ADGRL2: variants seen among roughly 807,000 people sequenced by gnomAD.
ADGRL2 encodes the protein calcium-independent alpha-latrotoxin receptor 2.
Under a neutral mutation model 157.4 loss-of-function variants are expected in ADGRL2, and 44 were observed. That is an observed-to-expected ratio of 0.28 (90% confidence interval 0.22 to 0.36). The LOEUF is 0.36. ADGRL2 is among the 10% of genes least tolerant of loss of function. The probability of loss-of-function intolerance (pLI) is 1.00; values close to 1 mark genes in which losing one functional copy is unlikely to be tolerated. For missense variants in ADGRL2, 1,510 were observed against 1,768.9 expected (o/e 0.85, Z 2.63); for synonymous variants, 585 against 624.7 (o/e 0.94, Z 0.95).
chr1:81,544,589 T>G (rs1440886428), intron 2 of ADGRL2, among the ~76,000 whole-genome samples: 1 of 152,156 alleles, frequency 6.6e-6, no homozygotes, highest in Non-Finnish European at 1.5e-5. Flanking sequence ...TGAAATTAAT[T>G]TTTTGCCAAG....
intron 2 of ADGRL2, among the ~76,000 whole-genome samples, chr1:81,557,994 C>T (rs2080353055): frequency 6.6e-6 from 1 of 152,194 alleles, no homozygotes; most frequent in South Asian, 2.1e-4. Context: ...AATATTTATA[C>T]GGTAATGAAA....
intron 3 of ADGRL2, among the ~76,000 whole-genome samples, chr1:81,930,557 G>A (rs994369882): frequency 9.2e-5 from 14 of 152,208 alleles, no homozygotes; most frequent in Admixed American, 5.9e-4. Context: ...GGATGGTTAA[G>A]TGATGCATTA....
chr1:81,367,736 G>C (rs1489853686), intron 1 of ADGRL2, among the ~76,000 whole-genome samples: 1 of 152,074 alleles, frequency 6.6e-6, no homozygotes, highest in East Asian at 1.9e-4. Context: ...ATTTTTAGTA[G>C]AGATGGAGTT....
chr1:81,705,172 C>T (rs1377615130), intron 1 of ADGRL2, among the ~76,000 whole-genome samples: 1 of 152,172 alleles, frequency 6.6e-6, no homozygotes, highest in Admixed American at 6.5e-5. Context: ...CTGCCTCATC[C>T]TCCCAAGTAG....
chr1:81,562,167 T>A (rs774231936), intron 2 of ADGRL2, among the ~76,000 whole-genome samples: 4 of 152,106 alleles, frequency 2.6e-5, no homozygotes, highest in Non-Finnish European at 4.4e-5. Flanking sequence ...AAGATAGGGA[T>A]TATATGAGTA....
upstream of ADGRL2, among the ~76,000 whole-genome samples, chr1:81,796,404 C>A (rs2087588940): frequency 6.6e-6 from 1 of 152,120 alleles, no homozygotes; most frequent in African/African-American, 2.4e-5. Context: ...TGTTCTTTTG[C>A]TTACACTTTG....
chr1:81,722,742 A>C (rs2084375917), intron 1 of ADGRL2: 2 of 880,682 alleles, frequency 2.3e-6, no homozygotes, highest in African/African-American at 3.3e-5. Context: ...GAATAGAAAG[A>C]GTTAAGAAGG....
chr1:81,481,144 C>T (rs555538486), intron 2 of ADGRL2, among the ~76,000 whole-genome samples: 1 of 152,180 alleles, frequency 6.6e-6, no homozygotes, highest in Admixed American at 6.5e-5. Context: ...TCCTTTTAAA[C>T]ATAATAAAAA....
chr1:81,413,231 A>G (rs553349332), intron 1 of ADGRL2, among the ~76,000 whole-genome samples: 2 of 152,302 alleles, frequency 1.3e-5, no homozygotes, highest in Admixed American at 6.5e-5. Context: ...CAATGAAAGC[A>G]GCATAAATTC....
intron 3 of ADGRL2, among the ~76,000 whole-genome samples, chr1:81,676,277 G>A (rs1165712211): frequency 6.6e-6 from 1 of 152,044 alleles, no homozygotes; most frequent in African/African-American, 2.4e-5. Context: ...CCAAAGTGCT[G>A]GGCTTACAGG....
chr1:81,564,921 A>G (rs2080525539), intron 2 of ADGRL2, among the ~76,000 whole-genome samples: 1 of 152,244 alleles, frequency 6.6e-6, no homozygotes, highest in Non-Finnish European at 1.5e-5. Context: ...AACATTAGCC[A>G]GAATGAACAT....
intron 1 of ADGRL2, among the ~76,000 whole-genome samples, chr1:81,368,559 G>A (rs1280479501): frequency 6.6e-6 from 1 of 152,132 alleles, no homozygotes; most frequent in Non-Finnish European, 1.5e-5. Flanking sequence ...ATATGGACTT[G>A]TCAATCTATT....
intron 1 of ADGRL2, among the ~76,000 whole-genome samples, chr1:81,829,925 T>C (rs2091817485): frequency 6.6e-6 from 1 of 152,216 alleles, no homozygotes; most frequent in South Asian, 2.1e-4. Context: ...TAGTGTGCAC[T>C]TGATCTGGAT....
At chr1:81,546,610 A>G (rs971903353) in intron 2 of ADGRL2, among the ~76,000 whole-genome samples, 2 of 152,230 alleles carry the variant, frequency 1.3e-5, no homozygotes, top group Admixed American at 1.3e-4. Context: ...TTCCACATCC[A>G]CTGGGCAGTC....
At chr1:81,579,441 A>G (rs756083574) in intron 2 of ADGRL2, 1 of 152,162 alleles carries the variant, frequency 6.6e-6, no homozygotes. Context: ...ACTGGCAATC[A>G]GACCTTGAAA....
intron 1 of ADGRL2, among the ~76,000 whole-genome samples, chr1:81,737,949 C>G (rs1332527313): frequency 6.6e-6 from 1 of 152,198 alleles, no homozygotes; most frequent in South Asian, 2.1e-4. Context: ...TCCAACTATC[C>G]TTTGATTCTC....
At chr1:81,942,072 G>C (rs758777162) in intron 5 of ADGRL2, 27 bp downstream of exon 5, 20 of 763,680 alleles carry the variant, frequency 2.6e-5, no homozygotes, top group Non-Finnish European at 4.2e-5. Context: ...CTGAACCCCA[G>C]CTCCCTGTTA....
At chr1:81,747,265 A>ATATACATATATATGTATATG (rs1316441286) in intron 1 of ADGRL2, among the ~76,000 whole-genome samples, 2 of 148,496 alleles carry the variant, frequency 1.3e-5, no homozygotes, top group East Asian at 4.0e-4. Flanking sequence ...ATATATGTAT[A>ATATACATATATATGTATATG]TGTGTATATA....
intron 1 of ADGRL2, among the ~76,000 whole-genome samples, chr1:81,804,629 C>G (rs1389354276): frequency 6.6e-6 from 1 of 152,150 alleles, no homozygotes; most frequent in Non-Finnish European, 1.5e-5. Context: ...TTGCAAATGG[C>G]AAGACAATTA....
Sources: gnomAD v4.1 joint callset for allele counts (sites outside exome capture counted in the v4.1 genomes callset) on GRCh38, gnomAD v4.1.1 for gene constraint, MANE v1.5 for transcripts, NCBI Gene and HGNC (gene_info 2026-07-23, HGNC 2026-07-21) for gene names.